Variants in CSMD1 observed in about 807,000 individuals in gnomAD.
The protein encoded by CSMD1 is CUB and sushi domain-containing protein 1.
In CSMD1, 213 loss-of-function variants were observed where a neutral mutation model predicts 417.5. The observed-to-expected ratio is 0.51, with a 90% CI of 0.46 to 0.57. The LOEUF (loss-of-function observed/expected upper bound fraction) is 0.57, where lower values mean the gene tolerates loss of function less well. CSMD1 is among the 20% of genes least tolerant of loss of function. The probability of loss-of-function intolerance (pLI) is 0.00; values close to 1 mark genes in which losing one functional copy is unlikely to be tolerated. For synonymous variants in CSMD1, 2,862 were observed against 1,736.8 expected (o/e 1.65, Z -16.11); for missense variants, 6,923 against 4,529.7 (o/e 1.53, Z -15.17).
chr8:4,212,969 C>T (rs1256539160), intron 3 of CSMD1, among the ~76,000 whole-genome samples: 1 of 151,980 alleles, frequency 6.6e-6, no homozygotes, highest in Non-Finnish European at 1.5e-5. Context: ...GACCTAACAC[C>T]TAGCGTTGGC....
At chr8:3,756,209 C>A (rs893895858) in intron 5 of CSMD1, among the ~76,000 whole-genome samples, 1 of 151,764 alleles carries the variant, frequency 6.6e-6, no homozygotes, top group East Asian at 2.0e-4. Context: ...AAAAATTAGC[C>A]GGGCATGGTG....
chr8:4,228,432 T>G (rs1563305606), intron 3 of CSMD1, among the ~76,000 whole-genome samples: 3 of 152,114 alleles, frequency 2.0e-5, no homozygotes, highest in Admixed American at 1.3e-4. Context: ...CAGCAGCACC[T>G]ACACTCATCT....
chr8:3,852,212 G>C (rs748849883), intron 5 of CSMD1, among the ~76,000 whole-genome samples: 50 of 152,160 alleles, frequency 3.3e-4, no homozygotes, highest in Non-Finnish European at 5.1e-4. Flanking sequence ...TCAAGGACTG[G>C]GAATGGAGGC....
chr8:3,359,359 G>A lies in CSMD1; in HGVS notation c.3116-19C>T. 1.3e-6 allele frequency: 2 copies of A among 1,589,586 alleles called. No individual in the cohort carries two copies. Among genetic ancestry groups the A allele is most frequent in the Non-Finnish European group, 1.7e-6 (2 of 1,162,696 alleles). The stretch of plus-strand genomic sequence containing the variant: ...TCATATTCTGAGGCATGCAGAGACA[G>A]AGTAAATGCATGAGGATTTGGGTAA... On this transcript the variant is annotated intron_variant, in intron 20 of 69. Coordinates refer to ENST00000635120, the MANE Select transcript of CSMD1 (RefSeq NM_033225.6).
chr8:3,477,903 G>T (rs539684955), intron 11 of CSMD1, among the ~76,000 whole-genome samples: 1 of 152,166 alleles, frequency 6.6e-6, no homozygotes, highest in African/African-American at 2.4e-5. Flanking sequence ...AGGGCAGGTG[G>T]AAAAGAGCAG....
At chr8:3,168,828 C>G (rs967009725) in intron 37 of CSMD1, among the ~76,000 whole-genome samples, 2 of 152,116 alleles carry the variant, frequency 1.3e-5, no homozygotes, top group African/African-American at 4.8e-5. Flanking sequence ...ATTATTTCCA[C>G]TTGTTACATC....
intron 9 of CSMD1, among the ~76,000 whole-genome samples, chr8:3,581,024 A>G (rs934154665): frequency 6.6e-6 from 1 of 152,196 alleles, no homozygotes; most frequent in African/African-American, 2.4e-5. Context: ...CACAGTTACA[A>G]CTGGCAATAA....
At chr8:4,659,432 A>G (rs923279516) in intron 1 of CSMD1, among the ~76,000 whole-genome samples, 1 of 152,210 alleles carries the variant, frequency 6.6e-6, no homozygotes, top group African/African-American at 2.4e-5. Flanking sequence ...AATGTGACAT[A>G]GACTTGCAGT....
intron 12 of CSMD1, among the ~76,000 whole-genome samples, chr8:3,439,499 G>A (rs931101826): frequency 6.7e-6 from 1 of 148,736 alleles, no homozygotes; most frequent in Non-Finnish European, 1.5e-5. Context: ...GTATCTGTGT[G>A]TGTGTGTCTG....
chr8:3,938,837 T>C (rs151006034), intron 5 of CSMD1, among the ~76,000 whole-genome samples: 131 of 152,278 alleles, frequency 8.6e-4, no homozygotes, highest in African/African-American at 2.9e-3. Flanking sequence ...ATCTTTATTT[T>C]AGACAAAGTA....
intron 2 of CSMD1, among the ~76,000 whole-genome samples, chr8:4,462,443 T>C (rs1414982181): frequency 6.6e-6 from 1 of 152,116 alleles, no homozygotes; most frequent in Non-Finnish European, 1.5e-5. Flanking sequence ...AAATTTAACA[T>C]AATTCCTATT....
intron 18 of CSMD1, among the ~76,000 whole-genome samples, chr8:3,375,477 C>T (rs990372227): frequency 6.6e-6 from 1 of 151,986 alleles, no homozygotes; most frequent in African/African-American, 2.4e-5. Flanking sequence ...AGTTACTTTC[C>T]ACTTCAATAA....
chr8:3,238,385 T>C (rs1799288671), intron 26 of CSMD1, among the ~76,000 whole-genome samples: 1 of 151,992 alleles, frequency 6.6e-6, no homozygotes, highest in Admixed American at 6.6e-5. Flanking sequence ...GATGGCTTAG[T>C]TTGGGTTCAG....
intron 8 of CSMD1, among the ~76,000 whole-genome samples, chr8:3,588,368 A>C (rs1352395333): frequency 6.6e-6 from 1 of 152,182 alleles, no homozygotes. Context: ...ATAAAATGAC[A>C]TGAGAGTCCT....
intron 8 of CSMD1, among the ~76,000 whole-genome samples, chr8:3,611,897 T>G (rs1463210594): frequency 2.0e-5 from 3 of 152,136 alleles, no homozygotes; most frequent in African/African-American, 7.2e-5. Context: ...AAAAAATGTT[T>G]ATTTTCAAAA....
At chr8:3,687,724 C>T (rs146077465) in intron 7 of CSMD1, among the ~76,000 whole-genome samples, 4,071 of 152,232 alleles carry the variant, frequency 0.027, 84 homozygotes, top group Non-Finnish European at 0.041. Context: ...TTTGGAAGCA[C>T]GCTGCTATCT....
At chr8:3,421,325 G>T (rs1813475716) in intron 12 of CSMD1, among the ~76,000 whole-genome samples, 1 of 152,298 alleles carries the variant, frequency 6.6e-6, no homozygotes, top group South Asian at 2.1e-4. Context: ...GAGAAGGACT[G>T]CTCTGAGCCC....
intron 6 of CSMD1, among the ~76,000 whole-genome samples, chr8:3,745,042 AT>A (rs1797000672): frequency 6.6e-6 from 1 of 152,196 alleles, no homozygotes; most frequent in Admixed American, 6.5e-5. Flanking sequence ...TTATCATCTG[AT>A]GCAAATAATT....
At chr8:3,376,592 T>A (rs186674829) in intron 18 of CSMD1, among the ~76,000 whole-genome samples, 1 of 152,196 alleles carries the variant, frequency 6.6e-6, no homozygotes, top group Non-Finnish European at 1.5e-5. Context: ...GTTAAAACTA[T>A]CTTTCTTTAA....
Sources: allele counts gnomAD v4.1 joint callset (sites outside exome capture counted in the v4.1 genomes callset), GRCh38; gene constraint gnomAD v4.1.1; transcripts MANE v1.5; gene names NCBI Gene and HGNC (gene_info 2026-07-23, HGNC 2026-07-21).